The following CELF2 variants were observed in gnomAD, a reference collection of about 807,000 sequenced individuals.
CELF2 encodes the protein CUGBP Elav-like family member 2.
CELF2 carries 8 observed loss-of-function variants against 62.6 expected under a neutral mutation model. That is an observed-to-expected ratio of 0.13 (90% confidence interval 0.07 to 0.23). The LOEUF (loss-of-function observed/expected upper bound fraction) is 0.23, where lower values mean the gene tolerates loss of function less well. Among genes scored for constraint, CELF2 ranks in the 10% least tolerant of loss-of-function variants. CELF2 has a pLI of 1.00. For missense variants in CELF2, 333 were observed against 671.0 expected, an observed-to-expected ratio of 0.50 and a Z score of 5.56; for synonymous variants, 258 against 250.0, an observed-to-expected ratio of 1.03 and a Z score of -0.30.
chr10:11,150,209 T>G (rs997173259), intron 1 of CELF2, among the ~76,000 whole-genome samples: 1 of 152,216 alleles, frequency 6.6e-6, no homozygotes, highest in Non-Finnish European at 1.5e-5. Flanking sequence ...ATACACACTT[T>G]GTGATTTTCA....
chr10:10,769,770 AT>A, the CELF2 span, among the ~76,000 whole-genome samples: 7 of 148,018 alleles, frequency 4.7e-5, no homozygotes, highest in African/African-American at 1.3e-4. Flanking sequence ...ACTCCAAAAA[AT>A]AATAATAATA....
chr10:11,063,332 T>C (rs762419272), intron 1 of CELF2, among the ~76,000 whole-genome samples: 1 of 152,220 alleles, frequency 6.6e-6, no homozygotes, highest in Non-Finnish European at 1.5e-5. Flanking sequence ...TTTGAAATCA[T>C]TGAAAGATGT....
At chr10:10,638,838 A>G in the CELF2 span, among the ~76,000 whole-genome samples, 2 of 152,296 alleles carry the variant, frequency 1.3e-5, no homozygotes, top group Admixed American at 1.3e-4. Flanking sequence ...TCCTATGTGG[A>G]CTGAAATAAA....
intron 1 of CELF2, among the ~76,000 whole-genome samples, chr10:11,057,865 C>T (rs947716976): frequency 6.6e-6 from 1 of 152,264 alleles, no homozygotes; most frequent in Middle Eastern, 3.4e-3. Context: ...CTGACATTTG[C>T]TAGCGGTCTA....
the CELF2 span, among the ~76,000 whole-genome samples, chr10:10,607,345 T>G: frequency 6.6e-6 from 1 of 152,232 alleles, no homozygotes; most frequent in African/African-American, 2.4e-5. Flanking sequence ...ATGAGCTACC[T>G]GACAGCCTAA....
At chr10:10,480,102 G>A in the CELF2 span, among the ~76,000 whole-genome samples, 1 of 152,046 alleles carries the variant, frequency 6.6e-6, no homozygotes, top group African/African-American at 2.4e-5. Context: ...ATTGTTCCTG[G>A]TTCTTTCTTC....
At chr10:10,964,088 T>G (rs777832290) in intron 2 of CELF2, among the ~76,000 whole-genome samples, 10 of 152,134 alleles carry the variant, frequency 6.6e-5, no homozygotes, top group Non-Finnish European at 1.2e-4. Flanking sequence ...TAAAGCATGG[T>G]CAATTAAAAA....
At position 11,294,839 on chromosome 10, in the gene CELF2, C is replaced by T. The variant is rs529133192; in HGVS notation, c.976+6287C>T. 1.4e-4 allele frequency among the ~76,000 whole-genome samples: 22 copies of T among 152,240 alleles called. No individual in the cohort carries two copies. In the South Asian group the frequency reaches 2.7e-3, roughly 19 times the overall value. On this transcript the variant is annotated intron_variant, in intron 9 of 12. Coordinates refer to ENST00000633077, the MANE Select transcript of CELF2 (RefSeq NM_001326342.2). ...GGCAGGAGAATCACTTGAATCCAGG[C>T]GGCAGAGGCTGCAGTGACCAAGATC...
rs1482771296 is a variant in CELF2, at chr10:11,260,632, CT to C, written c.538+2764del. Among the ~76,000 whole-genome samples, 3 of 151,080 alleles carry C rather than the reference CT, an allele frequency of 2.0e-5. No individual in the cohort carries two copies. The highest frequency in any genetic ancestry group is 4.4e-5 in the Non-Finnish European group (3 of 67,848). ...CTGGCTCAGTGGAAAGAGGAGAAAA[CT>C]TTTCCCTCCCCATCTGTTTTTTTTT... On this transcript the variant is annotated intron_variant, in intron 5 of 12. Coordinates refer to ENST00000633077, the MANE Select transcript of CELF2 (RefSeq NM_001326342.2). The surrounding 1 kb of genome is among the most constrained non-coding windows in gnomAD (Gnocchi z 4.2).
intron 1 of CELF2, among the ~76,000 whole-genome samples, chr10:10,831,244 G>C (rs2057830053): frequency 6.6e-6 from 1 of 152,192 alleles, no homozygotes; most frequent in Admixed American, 6.5e-5. Flanking sequence ...GGTGTCATGA[G>C]TGTTCTGAGA....
the CELF2 span, among the ~76,000 whole-genome samples, chr10:10,701,013 G>A: frequency 1.3e-5 from 2 of 152,178 alleles, no homozygotes; most frequent in Non-Finnish European, 2.9e-5. Flanking sequence ...CAACCTTGAT[G>A]TCTCTCTGTG....
At chr10:10,885,061 G>A (rs978649375) in intron 1 of CELF2, among the ~76,000 whole-genome samples, 31 of 152,246 alleles carry the variant, frequency 2.0e-4, no homozygotes, top group African/African-American at 6.7e-4. Flanking sequence ...GGCCAACATG[G>A]TGAAACCCCG....
Position 10,971,682 on chromosome 10 carries a change from G to T in CELF2, c.89+51683G>T, listed in dbSNP as rs551098670. On this transcript the variant is annotated intron_variant, in intron 2 of 13. Coordinates refer to the CELF2 transcript ENST00000636488. ...GTTCACTACAAACTGTGCCTCCCAG[G>T]TTCAAGCAATTCTTGTGCCTCAGCC... Among the ~76,000 whole-genome samples the T allele has an allele frequency of 6.6e-5, 10 of 152,298 alleles. No individual in the cohort carries two copies. The South Asian group carries it at 8.3e-4, about 13-fold the overall frequency.
chr10:10,920,866 A>G (rs1263134867), intron 2 of CELF2, among the ~76,000 whole-genome samples: 2 of 152,028 alleles, frequency 1.3e-5, no homozygotes, highest in African/African-American at 4.8e-5. Context: ...AGGAAGGGGC[A>G]ATAATTTAAG....
the CELF2 span, among the ~76,000 whole-genome samples, chr10:10,697,040 A>G: frequency 6.6e-6 from 1 of 152,258 alleles, no homozygotes; most frequent in East Asian, 1.9e-4. Flanking sequence ...AGGATTAGAA[A>G]ACAAAATATC....
intron 1 of CELF2, among the ~76,000 whole-genome samples, chr10:10,846,856 A>G (rs1269206709): frequency 3.9e-5 from 6 of 152,226 alleles, no homozygotes; most frequent in Non-Finnish European, 7.3e-5. Flanking sequence ...TTTGATACCA[A>G]TCTATTGTAC....
At chr10:10,620,039 C>G in the CELF2 span, among the ~76,000 whole-genome samples, 1 of 152,012 alleles carries the variant, frequency 6.6e-6, no homozygotes, top group African/African-American at 2.4e-5. Context: ...ATAAGCTTCT[C>G]TAGGAGATGA....
At position 10,915,673 on chromosome 10, in the gene CELF2, G is replaced by A. The variant is rs183277231; in HGVS notation, c.54-4291G>A. Reference sequence around the variant, plus strand: ...TGGTTTTGAACTCCTGGGCTCAAGCGATCCTCCTACCTCAGCCTCCCAAAG... The same window carrying A: ...TGGTTTTGAACTCCTGGGCTCAAGCAATCCTCCTACCTCAGCCTCCCAAAG... On this transcript the variant is annotated intron_variant, in intron 1 of 13. Coordinates refer to the CELF2 transcript ENST00000636488. Among the ~76,000 whole-genome samples the A allele has an allele frequency of 8.5e-5, 13 of 152,312 alleles. No individual in the cohort carries two copies. In the East Asian group the frequency reaches 1.2e-3, roughly 14 times the overall value.
chr10:10,726,282 G>A, the CELF2 span, among the ~76,000 whole-genome samples: 33 of 152,258 alleles, frequency 2.2e-4, no homozygotes, highest in Middle Eastern at 3.4e-3. Flanking sequence ...GGCTTTTTCC[G>A]TTGTGTTTGG....
Sources: allele counts gnomAD v4.1 joint callset (sites outside exome capture counted in the v4.1 genomes callset), GRCh38; gene constraint gnomAD v4.1.1; non-coding constraint Gnocchi (gnomAD v3.1); transcripts MANE v1.5; gene names NCBI Gene and HGNC (gene_info 2026-07-23, HGNC 2026-07-21).